LRRIQ1: variants seen among roughly 807,000 people sequenced by gnomAD.
LRRIQ1 encodes the protein leucine-rich repeat- and IQ domain-containing protein 1.
In LRRIQ1, 210 loss-of-function variants were observed where a neutral mutation model predicts 211.9. The observed-to-expected ratio is 0.99, with a 90% confidence interval of 0.89 to 1.11. LRRIQ1 has a LOEUF of 1.11. Ranked by LOEUF, LRRIQ1 falls within the 50% of genes most tolerant of loss-of-function variation. The pLI is 0.00. For missense variants in LRRIQ1, 2,136 were observed against 1,939.5 expected (o/e 1.10, Z -1.90); for synonymous variants, 699 against 650.1 (o/e 1.08, Z -1.14).
At chr12:85,245,525 T>C (rs151109505), downstream of LRRIQ1, among the ~76,000 whole-genome samples, 75 of 149,278 alleles carry the variant, frequency 5.0e-4, no homozygotes, top group Admixed American at 1.2e-3. Flanking sequence ...AACATATTTG[T>C]TATATATATG....
rs141389516 is a variant in LRRIQ1 at position 85,057,007 on chromosome 12, T to C, written c.2214T>C (p.Ile738=). Residue 738 remains isoleucine (I), a synonymous_variant, in exon 8 of 27, where the codon ATT becomes ATC. Coordinates refer to ENST00000393217, the MANE Select transcript of LRRIQ1 (RefSeq NM_001079910.2). Reference sequence around the variant, plus strand: ...CAGAGTCAACCCTTCTATATTCTATTGAAGAAAGGAGACTAGCCTGGATAA... The same window carrying C: ...CAGAGTCAACCCTTCTATATTCTATCGAAGAAAGGAGACTAGCCTGGATAA... The part of the protein sequence containing the change: ...CVSESTLLYS[I]EERRLAWIKS... 3,603 of 1,605,132 alleles carry C rather than the reference T, an allele frequency of 2.2e-3. 8 individuals carry two copies. The highest frequency in any genetic ancestry group is 2.8e-3 in the Non-Finnish European group (3,326 of 1,177,062).
chr12:85,050,196 G>A (rs1880135455), intron 6 of LRRIQ1, among the ~76,000 whole-genome samples: 1 of 152,070 alleles, frequency 6.6e-6, no homozygotes, highest in Non-Finnish European at 1.5e-5. Flanking sequence ...CTCCAACACT[G>A]GGGAGTAGAG....
intron 1 of LRRIQ1, among the ~76,000 whole-genome samples, chr12:85,258,001 T>C (rs1012686902): frequency 2.3e-4 from 35 of 151,752 alleles, no homozygotes; most frequent in African/African-American, 6.8e-4. Flanking sequence ...ATGTAAAATA[T>C]GCATGGTAGA....
chr12:85,185,544 CA>C (rs899372074), intron 24 of LRRIQ1, among the ~76,000 whole-genome samples: 4 of 151,574 alleles, frequency 2.6e-5, no homozygotes, highest in African/African-American at 9.7e-5. Flanking sequence ...ACAGCAATAA[CA>C]AAAATTATAG....
intron 24 of LRRIQ1, among the ~76,000 whole-genome samples, chr12:85,174,757 TCAA>T (rs1271006290): frequency 8.0e-6 from 1 of 124,834 alleles, no homozygotes; most frequent in Admixed American, 8.5e-5. Context: ...AGCAGCAATG[TCAA>T]CAACAAACAG....
chr12:85,160,531 C>T, intron 23 of LRRIQ1, 82 bp from the exon 24 acceptor site: 2 of 734,074 alleles, frequency 2.7e-6, no homozygotes, highest in Non-Finnish European at 2.2e-6. Context: ...TTTTTACTAC[C>T]ACCATATAAG....
At chr12:85,060,246 C>T (rs1394020943) in intron 8 of LRRIQ1, among the ~76,000 whole-genome samples, 1 of 151,792 alleles carries the variant, frequency 6.6e-6, no homozygotes, top group Non-Finnish European at 1.5e-5. Flanking sequence ...GCTTAATAGC[C>T]CGTTTCATCA....
chr12:85,149,628 C>T (rs1388666540), intron 19 of LRRIQ1, among the ~76,000 whole-genome samples: 1 of 151,686 alleles, frequency 6.6e-6, no homozygotes, highest in Non-Finnish European at 1.5e-5. Flanking sequence ...TAGCCAATTC[C>T]TCCTGACATT....
At chr12:85,197,078 T>C (rs2136986524) in intron 24 of LRRIQ1, among the ~76,000 whole-genome samples, 1 of 152,140 alleles carries the variant, frequency 6.6e-6, no homozygotes, top group South Asian at 2.1e-4. Flanking sequence ...CATGAAAAAA[T>C]GCTCATCATC....
At chr12:85,089,124 T>G (rs1004227990) in intron 11 of LRRIQ1, among the ~76,000 whole-genome samples, 2 of 152,218 alleles carry the variant, frequency 1.3e-5, no homozygotes, top group African/African-American at 4.8e-5. Flanking sequence ...CATCAATACC[T>G]AATTTATTGA....
At chr12:85,248,652 ATATGG>A (rs1421682752), downstream of LRRIQ1, among the ~76,000 whole-genome samples, 13 of 151,674 alleles carry the variant, frequency 8.6e-5, no homozygotes, top group African/African-American at 3.1e-4. Context: ...AGTCTTTTTA[ATATGG>A]TATTGAATTT....
rs749679666 is a variant in LRRIQ1, at chr12:85,038,167, A to G, written c.-10A>G. ...TTTTAAAGCAGTTCTGTGCTTTATT[A>G]TGAAGAATAATGGACGATGATGATG... On this transcript the variant is annotated 5_prime_UTR_variant, in exon 2 of 27. The change abolishes an upstream ATG in the 5' untranslated region. Coordinates refer to ENST00000393217, the MANE Select transcript of LRRIQ1 (RefSeq NM_001079910.2). 3.9e-6 allele frequency: 6 copies of G among 1,520,708 alleles called. No homozygotes were observed. The Admixed American group carries it at 1.0e-4, about 25-fold the overall frequency. 94.2% of individuals were successfully genotyped at this position (1,520,708 alleles called of 1,614,324 possible). A position where few individuals can be genotyped will look rare whatever the true frequency, so the allele number is the denominator to read the frequency against.
At chr12:85,192,814 A>G (rs1469116916) in intron 24 of LRRIQ1, among the ~76,000 whole-genome samples, 2 of 103,182 alleles carry the variant, frequency 1.9e-5, no homozygotes, top group African/African-American at 3.8e-5. Flanking sequence ...ATAATTATAT[A>G]TAAATATATA....
chr12:85,069,634 T>A (rs1432627153), intron 10 of LRRIQ1, among the ~76,000 whole-genome samples: 4 of 152,046 alleles, frequency 2.6e-5, no homozygotes, highest in South Asian at 2.1e-4. Context: ...ATTGCCATTC[T>A]AACTGGTGTG....
chr12:85,076,366 G>T lies in LRRIQ1; in HGVS notation c.2887+3268G>T, dbSNP rs1194245048. On this transcript the variant is annotated intron_variant, in intron 11 of 26. Coordinates refer to ENST00000393217, the MANE Select transcript of LRRIQ1 (RefSeq NM_001079910.2). ...AAATAAATATAATGTTAACATGTAAGAGTAAATGATCATTTTTATATTCTT... is the reference window on the plus strand; with the variant it reads ...AAATAAATATAATGTTAACATGTAATAGTAAATGATCATTTTTATATTCTT... Among the ~76,000 whole-genome samples the T allele has an allele frequency of 2.0e-5, 3 of 151,964 alleles. No homozygotes were observed. The East Asian group carries it at 5.8e-4, about 29-fold the overall frequency.
chr12:85,259,381 T>C (rs926996536), intron 1 of LRRIQ1, among the ~76,000 whole-genome samples: 2 of 152,074 alleles, frequency 1.3e-5, no homozygotes, highest in Non-Finnish European at 2.9e-5. Flanking sequence ...TGCTTCTTTT[T>C]ATGTTTTTTC....
intron 13 of LRRIQ1, among the ~76,000 whole-genome samples, chr12:85,103,207 C>T (rs939722760): frequency 6.7e-6 from 1 of 149,984 alleles, no homozygotes; most frequent in Non-Finnish European, 1.5e-5. Flanking sequence ...TATGGGTTTT[C>T]GATAACAATT....
chr12:85,153,883 G>T, intron 22 of LRRIQ1, 125 bp downstream of exon 22: 1 of 943,854 alleles, frequency 1.1e-6, no homozygotes, highest in South Asian at 1.9e-5. Context: ...ATCCAATTTA[G>T]TTTCTTAAAT....
chr12:85,222,474 A>G (rs1426695861), intron 24 of LRRIQ1, among the ~76,000 whole-genome samples: 1 of 152,182 alleles, frequency 6.6e-6, no homozygotes, highest in Non-Finnish European at 1.5e-5. Context: ...ATAACAGTGA[A>G]TAATACTATA....
Sources: allele counts gnomAD v4.1 joint callset (sites outside exome capture counted in the v4.1 genomes callset), GRCh38; gene constraint gnomAD v4.1.1; transcripts MANE v1.5; gene names NCBI Gene and HGNC (gene_info 2026-07-23, HGNC 2026-07-21).